The following SPOPL variants were observed in gnomAD, a reference collection of about 807,000 sequenced individuals.
The protein encoded by SPOPL is speckle type BTB/POZ protein like, also known as speckle-type POZ protein-like.
Under a neutral mutation model 53.8 loss-of-function variants are expected in SPOPL, and 23 were observed. That is an observed-to-expected ratio of 0.43 (90% CI 0.31 to 0.61). SPOPL has a LOEUF of 0.61. SPOPL is among the 20% of genes least tolerant of loss of function. The pLI is 0.12. For missense variants in SPOPL, 442 were observed against 466.9 expected (o/e 0.95, Z 0.49); for synonymous variants, 164 against 149.7 (o/e 1.10, Z -0.70).
chr2:138,546,022 A>G (rs75507685), intron 1 of SPOPL, among the ~76,000 whole-genome samples: 1,652 of 152,286 alleles, frequency 0.011, 34 homozygotes, highest in African/African-American at 0.037. Context: ...GGTGGTAGGG[A>G]CACACCAGGA....
intron 5 of SPOPL, 75 bp downstream of exon 5, chr2:138,552,756 C>A: frequency 6.8e-7 from 1 of 1,465,986 alleles, no homozygotes; most frequent in South Asian, 1.3e-5. Flanking sequence ...GGATTAATAA[C>A]ACTTTAAAAT....
At chr2:138,507,181 C>T (rs1043954960) in intron 1 of SPOPL, among the ~76,000 whole-genome samples, 1 of 151,914 alleles carries the variant, frequency 6.6e-6, no homozygotes, top group South Asian at 2.1e-4. Context: ...ATTAATCTGC[C>T]GAAGTTACAA....
At chr2:138,563,030 A>G (rs1685583948) in intron 8 of SPOPL, among the ~76,000 whole-genome samples, 1 of 152,210 alleles carries the variant, frequency 6.6e-6, no homozygotes, top group African/African-American at 2.4e-5. Context: ...TGCACAGCAG[A>G]TATCTAATGA....
At position 138,564,966 on chromosome 2, in the gene SPOPL, G is replaced by A. The variant is rs1286024416; in HGVS notation, c.1007G>A (p.Cys336Tyr). ...NRCSVLRQLGCKDGKNWNSNQ... is the reference protein window; with the variant it reads ...NRCSVLRQLGYKDGKNWNSNQ... ...TGCAGTGTACTTCGACAACTTGGGT[G>A]TAAAGATGGGAAAAACTGGAACAGC... The change falls in exon 10 of 11, where the codon TGT becomes TAT. Residue 336 changes from cysteine to tyrosine, a missense_variant. Transcript: ENST00000280098. 13 of 1,614,088 alleles carry A rather than the reference G, an allele frequency of 8.1e-6. No homozygotes were observed. The highest frequency in any genetic ancestry group is 1.1e-5 in the Non-Finnish European group (13 of 1,180,012).
chr2:138,530,952 T>TGTGTGTGTGTGTG, intron 1 of SPOPL, among the ~76,000 whole-genome samples: 2 of 150,882 alleles, frequency 1.3e-5, no homozygotes, highest in Non-Finnish European at 3.0e-5. Flanking sequence ...TGTGTGTGTG[T>TGTGTGTGTGTGTG]TTTAAGACAC....
At chr2:138,503,227 T>TG (rs1409655425) in intron 1 of SPOPL, among the ~76,000 whole-genome samples, 6 of 152,220 alleles carry the variant, frequency 3.9e-5, no homozygotes, top group African/African-American at 1.4e-4. Flanking sequence ...AGTATATAGT[T>TG]GCCAGGGTGT....
chr2:138,524,392 G>A (rs1304955801), intron 1 of SPOPL, among the ~76,000 whole-genome samples: 1 of 152,204 alleles, frequency 6.6e-6, no homozygotes, highest in Non-Finnish European at 1.5e-5. Flanking sequence ...TCTCTGACAT[G>A]CCCTGGAGAC....
At chr2:138,553,547 G>GT (rs1033454355) in intron 5 of SPOPL, among the ~76,000 whole-genome samples, 14 of 152,080 alleles carry the variant, frequency 9.2e-5, no homozygotes, top group African/African-American at 2.7e-4. Flanking sequence ...GGACAGATGA[G>GT]TGTCTTAGGA....
At chr2:138,509,080 A>T (rs1167837011) in intron 1 of SPOPL, among the ~76,000 whole-genome samples, 1 of 152,108 alleles carries the variant, frequency 6.6e-6, no homozygotes, top group Non-Finnish European at 1.5e-5. Context: ...GATTAAAATG[A>T]TTTTTTTATT....
intron 5 of SPOPL, 45 bp from the exon 6 acceptor site, chr2:138,558,977 T>C: frequency 6.7e-7 from 1 of 1,497,938 alleles, no homozygotes; most frequent in South Asian, 1.4e-5. Context: ...TAATTACTGA[T>C]ATTACTTTGT....
intron 1 of SPOPL, among the ~76,000 whole-genome samples, chr2:138,530,216 T>TTTAAATGCCTAAA (rs1684777285): frequency 6.6e-6 from 1 of 152,242 alleles, no homozygotes; most frequent in South Asian, 2.1e-4. Context: ...CAGTCTACCA[T>TTTAAATGCCTAAA]TGATGGCATT....
chr2:138,511,431 T>C (rs987142997), intron 1 of SPOPL, among the ~76,000 whole-genome samples: 4 of 152,218 alleles, frequency 2.6e-5, no homozygotes, highest in Non-Finnish European at 2.9e-5. Flanking sequence ...AATTTCCTTA[T>C]AGATTATTTT....
chr2:138,558,029 G>T (rs1029917571), intron 5 of SPOPL, among the ~76,000 whole-genome samples: 2 of 151,984 alleles, frequency 1.3e-5, no homozygotes, highest in Non-Finnish European at 2.9e-5. Flanking sequence ...GTGTGGTGGT[G>T]CACACCTGTA....
chr2:138,515,779 A>G (rs1055229196), intron 1 of SPOPL, among the ~76,000 whole-genome samples: 2 of 152,182 alleles, frequency 1.3e-5, no homozygotes, highest in Admixed American at 6.5e-5. Context: ...AGATAAGCTC[A>G]TAGTTTTCCC....
Position 138,528,727 on chromosome 2 carries a change from C to G in SPOPL, c.-60-21430C>G, listed in dbSNP as rs200438617. On this transcript the variant is annotated intron_variant, in intron 1 of 10. Coordinates refer to ENST00000280098, the MANE Select transcript of SPOPL (RefSeq NM_001001664.3). Reference sequence around the variant, plus strand: ...TCCCTTTTGTTCTGGGTTATTAAAACTAAGCATTATCTGTTACTTACATGC... The same window carrying G: ...TCCCTTTTGTTCTGGGTTATTAAAAGTAAGCATTATCTGTTACTTACATGC... Among the ~76,000 whole-genome samples, 8 of 152,156 alleles carry G rather than the reference C, an allele frequency of 5.3e-5. No individual in the cohort carries two copies. The East Asian group carries it at 1.2e-3, about 22-fold the overall frequency.
At chr2:138,505,040 A>T (rs1684184665) in intron 1 of SPOPL, among the ~76,000 whole-genome samples, 1 of 152,190 alleles carries the variant, frequency 6.6e-6, no homozygotes, top group Non-Finnish European at 1.5e-5. Flanking sequence ...GTTCTCATCT[A>T]TTACTCTTTT....
chr2:138,559,271 T>A lies in SPOPL; in HGVS notation c.659-11T>A. ...TTATGCATAAAATAATGATACATAATCTTGTTACAGCTCGATCTCCAGTTT... is the reference window on the plus strand; with the variant it reads ...TTATGCATAAAATAATGATACATAAACTTGTTACAGCTCGATCTCCAGTTT... On this transcript the variant is annotated splice_polypyrimidine_tract_variant and intron_variant, in intron 6 of 10. Coordinates refer to ENST00000280098, the MANE Select transcript of SPOPL (RefSeq NM_001001664.3). 1 of 1,612,768 alleles carries A rather than the reference T, an allele frequency of 6.2e-7. No homozygotes were observed. The highest frequency in any genetic ancestry group is 8.5e-7 in the Non-Finnish European group (1 of 1,179,512).
At chr2:138,538,713 A>G (rs1038387978) in intron 1 of SPOPL, among the ~76,000 whole-genome samples, 2 of 150,340 alleles carry the variant, frequency 1.3e-5, no homozygotes, top group Admixed American at 1.3e-4. Context: ...CAGCAATGTC[A>G]GCCAGCTTAG....
At chr2:138,536,754 A>G (rs1005990791) in intron 1 of SPOPL, among the ~76,000 whole-genome samples, 7 of 152,080 alleles carry the variant, frequency 4.6e-5, no homozygotes, top group Admixed American at 4.6e-4. Context: ...TGTTTTTCAG[A>G]TCATGCTTGC....
Sources: gnomAD v4.1 joint callset for allele counts (sites outside exome capture counted in the v4.1 genomes callset) on GRCh38, gnomAD v4.1.1 for gene constraint, MANE v1.5 for transcripts, NCBI Gene and HGNC (gene_info 2026-07-23, HGNC 2026-07-21) for gene names.